CRADD: variants seen among roughly 807,000 people sequenced by gnomAD.
The protein encoded by CRADD is CARD and death domain containing adaptor protein.
CRADD carries 9 observed loss-of-function variants against 15.5 expected under a neutral mutation model. That is an observed-to-expected ratio of 0.58 (90% confidence interval 0.35 to 1.01). CRADD has a LOEUF of 1.01. CRADD is among the 50% of genes least tolerant of loss of function. The pLI, the probability that CRADD is intolerant of heterozygous loss-of-function variation, is 0.02. For synonymous variants in CRADD, 118 were observed against 107.6 expected (o/e 1.10, Z -0.60); for missense variants, 227 against 250.3 (o/e 0.91, Z 0.63).
intron 2 of CRADD, among the ~76,000 whole-genome samples, chr12:93,713,974 T>C (rs1956119161): frequency 6.6e-6 from 1 of 152,242 alleles, no homozygotes; most frequent in African/African-American, 2.4e-5. Flanking sequence ...AACTGGTGGA[T>C]ATCACTGTGC....
intron 2 of CRADD, among the ~76,000 whole-genome samples, chr12:93,830,453 A>G (rs971692733): frequency 2.0e-5 from 3 of 152,182 alleles, no homozygotes; most frequent in African/African-American, 7.2e-5. Flanking sequence ...AGTCTCTCTC[A>G]CACACACATG....
At chr12:93,764,209 G>C (rs561500540) in intron 2 of CRADD, among the ~76,000 whole-genome samples, 1 of 129,770 alleles carries the variant, frequency 7.7e-6, no homozygotes, top group Admixed American at 8.7e-5. Context: ...GCTTAAGAAC[G>C]ATCACTCTGG....
chr12:93,857,702 C>T (rs781571868), intron 2 of CRADD, among the ~76,000 whole-genome samples: 3 of 152,060 alleles, frequency 2.0e-5, no homozygotes, highest in South Asian at 2.1e-4. Flanking sequence ...CCACTTATGA[C>T]GGAAGAAGGC....
intron 2 of CRADD, among the ~76,000 whole-genome samples, chr12:93,756,832 A>C (rs1417961406): frequency 6.6e-6 from 1 of 152,174 alleles, no homozygotes; most frequent in African/African-American, 2.4e-5. Flanking sequence ...CAGGACACAC[A>C]ACCTCCTAGC....
At chr12:93,773,823 T>G (rs894648415) in intron 2 of CRADD, among the ~76,000 whole-genome samples, 9 of 144,056 alleles carry the variant, frequency 6.2e-5, no homozygotes, top group Admixed American at 1.4e-4. Flanking sequence ...GTTTTTTTTT[T>G]TTTTTTTTTT....
chr12:93,800,774 T>C (rs1957469030), intron 2 of CRADD, among the ~76,000 whole-genome samples: 1 of 152,216 alleles, frequency 6.6e-6, no homozygotes, highest in African/African-American at 2.4e-5. Context: ...GGGTGATCTT[T>C]ACTCAATCTG....
chr12:93,802,348 A>G (rs1957485392), intron 2 of CRADD, among the ~76,000 whole-genome samples: 1 of 152,190 alleles, frequency 6.6e-6, no homozygotes, highest in Non-Finnish European at 1.5e-5. Context: ...CCATGCCCAC[A>G]TCTATTGTTT....
chr12:93,819,581 GA>G (rs1280524797), intron 2 of CRADD, among the ~76,000 whole-genome samples: 1 of 152,152 alleles, frequency 6.6e-6, no homozygotes, highest in Non-Finnish European at 1.5e-5. Flanking sequence ...TGAATATAAA[GA>G]AAATCTAAAA....
At chr12:93,885,243 G>A (rs1565948638) in intron 2 of CRADD, among the ~76,000 whole-genome samples, 1 of 152,170 alleles carries the variant, frequency 6.6e-6, no homozygotes, top group Non-Finnish European at 1.5e-5. Flanking sequence ...AATTGCTGCT[G>A]AACTTGTGGT....
intron 2 of CRADD, among the ~76,000 whole-genome samples, chr12:93,802,787 G>A (rs944725973): frequency 6.6e-6 from 1 of 152,184 alleles, no homozygotes; most frequent in Non-Finnish European, 1.5e-5. Context: ...TACTGGGGGA[G>A]CTTCTCAGTG....
chr12:93,681,028 G>A (rs1955280712), intron 2 of CRADD, among the ~76,000 whole-genome samples: 2 of 152,102 alleles, frequency 1.3e-5, no homozygotes, highest in Non-Finnish European at 2.9e-5. Context: ...GGGATTACAG[G>A]CATGTGCCAC....
chr12:93,795,231 CTTTG>C (rs1228661775), intron 2 of CRADD, among the ~76,000 whole-genome samples: 2 of 152,116 alleles, frequency 1.3e-5, no homozygotes, highest in East Asian at 1.9e-4. Context: ...AAATGAATTA[CTTTG>C]TTTGTGATTT....
rs533667989 is a variant in CRADD at position 93,688,522 on chromosome 12, CTT to C, written c.298+9453_298+9454del. Reference sequence around the variant, plus strand: ...AAAAAAAAAAAAAAGCAAAAGCAGTCTTTTGTGTCTCACAAAGAACTTCAGAT... The same window carrying C: ...AAAAAAAAAAAAAAGCAAAAGCAGTCTTGTGTCTCACAAAGAACTTCAGAT... On this transcript the variant is annotated intron_variant, in intron 2 of 2. Coordinates refer to ENST00000332896, the MANE Select transcript of CRADD (RefSeq NM_003805.5). 6.6e-5 allele frequency among the ~76,000 whole-genome samples: 10 copies of C among 150,864 alleles called. No individual in the cohort carries two copies. In the East Asian group the frequency reaches 1.9e-3, roughly 29 times the overall value.
intron 2 of CRADD, among the ~76,000 whole-genome samples, chr12:93,745,568 G>A (rs544812075): frequency 2.0e-4 from 30 of 152,278 alleles, no homozygotes; most frequent in African/African-American, 6.7e-4. Flanking sequence ...TAGGCAGCAG[G>A]TATGTTGACA....
At chr12:93,859,256 T>TA in intron 2 of CRADD, 1 of 443,844 alleles carries the variant, frequency 2.3e-6, no homozygotes, top group Non-Finnish European at 4.5e-6. Context: ...AAATTGTTTT[T>TA]TAAAAAGCTA....
At chr12:93,810,789 A>G (rs1269692742) in intron 2 of CRADD, among the ~76,000 whole-genome samples, 1 of 152,098 alleles carries the variant, frequency 6.6e-6, no homozygotes, top group Non-Finnish European at 1.5e-5. Context: ...TCCCAGCACT[A>G]TCACTGCCTG....
At chr12:93,820,374 T>C (rs1027358614) in intron 2 of CRADD, among the ~76,000 whole-genome samples, 2 of 151,672 alleles carry the variant, frequency 1.3e-5, no homozygotes, top group Non-Finnish European at 2.9e-5. Flanking sequence ...ACCCCATCTC[T>C]ACTAAAAAAG....
At chr12:93,756,623 A>G (rs1956893221) in intron 2 of CRADD, among the ~76,000 whole-genome samples, 2 of 152,344 alleles carry the variant, frequency 1.3e-5, no homozygotes, top group South Asian at 4.1e-4. Context: ...TGTGTAGTAG[A>G]TGCTCAATAA....
chr12:93,851,363 C>T (rs1385068197), downstream of CRADD, among the ~76,000 whole-genome samples: 1 of 152,170 alleles, frequency 6.6e-6, no homozygotes, highest in East Asian at 1.9e-4. Flanking sequence ...CTTGCATGCT[C>T]ATTGAAGAAG....
Sources: allele counts gnomAD v4.1 joint callset (sites outside exome capture counted in the v4.1 genomes callset), GRCh38; gene constraint gnomAD v4.1.1; transcripts MANE v1.5; gene names NCBI Gene and HGNC (gene_info 2026-07-23, HGNC 2026-07-21).